The following SFI1 variants were observed in gnomAD, a reference collection of about 807,000 sequenced individuals.
The protein encoded by SFI1 is protein SFI1 homolog.
A neutral mutation model predicts 207.5 loss-of-function variants in SFI1; 195 were observed. The ratio of observed to expected loss-of-function variants is 0.94; its 90% CI spans 0.84 to 1.06. The LOEUF (loss-of-function observed/expected upper bound fraction) is 1.06, where lower values mean the gene tolerates loss of function less well. Ranked by LOEUF, SFI1 falls within the 50% of genes least tolerant of loss-of-function variation. The pLI, the probability that SFI1 is intolerant of heterozygous loss-of-function variation, is 0.00. For synonymous variants in SFI1, 630 were observed against 598.9 expected, an observed-to-expected ratio of 1.05 and a Z score of -0.76; for missense variants, 1,634 against 1,588.0, an observed-to-expected ratio of 1.03 and a Z score of -0.49.
At chr22:31,531,275 C>G in intron 4 of SFI1, 146 bp downstream of exon 4, 1 of 616,602 alleles carries the variant, frequency 1.6e-6, no homozygotes, top group Non-Finnish European at 2.8e-6. Context: ...CTAATATAAC[C>G]ATGTAATACA....
In SFI1 at chr22:31,618,424, T is replaced by G. The variant is rs558211912; in HGVS notation, c.*6T>G. The G allele has an allele frequency of 5.4e-5, 84 of 1,563,018 alleles. No individual in the cohort carries two copies. The highest frequency in any genetic ancestry group is 7.0e-5 in the Non-Finnish European group (81 of 1,150,312). On this transcript the variant is annotated 3_prime_UTR_variant, in exon 33 of 33. Coordinates refer to ENST00000400288, the MANE Select transcript of SFI1 (RefSeq NM_001007467.3). ...TGCGGCAGGCCCTGTGCTAGCGTGT[T>G]CGCACCAGGAACGCAGGTGCTGGGC...
intron 24 of SFI1, chr22:31,612,398 A>AAAAATATATATATATAT (rs1556369798): frequency 3.3e-5 from 2 of 60,202 alleles, no homozygotes; most frequent in African/African-American, 1.3e-4. Flanking sequence ...AAAAAAAAAA[A>AAAAATATATATATATAT]ATATATATAT....
chr22:31,536,091 G>T (rs1310634589), intron 4 of SFI1, among the ~76,000 whole-genome samples: 1 of 151,958 alleles, frequency 6.6e-6, no homozygotes, highest in East Asian at 1.9e-4. Context: ...ACCCTCTCCT[G>T]CTCAAATTTT....
At chr22:31,528,957 A>C in intron 3 of SFI1, 94 bp downstream of exon 3, 1 of 1,244,948 alleles carries the variant, frequency 8.0e-7, no homozygotes, top group Non-Finnish European at 1.1e-6. Flanking sequence ...CTTCCACCGC[A>C]ATTAGTGGGA....
rs2063367982 is a variant in SFI1, at chr22:31,575,311, A to G, written c.1003A>G (p.Ser335Gly). 1 of 1,613,222 alleles carries G rather than the reference A, an allele frequency of 6.2e-7. No individual in the cohort carries two copies. The highest frequency in any genetic ancestry group is 8.5e-7 in the Non-Finnish European group (1 of 1,179,768). The change falls in exon 10 of 33, where the codon AGC becomes GGC. Residue 335 changes from serine to glycine, a missense_variant. By Grantham distance (56) the Ser-to-Gly change is moderately conservative. Coordinates refer to ENST00000400288, the MANE Select transcript of SFI1 (RefSeq NM_001007467.3). ...GCAGCAGGCCTGGGAGCGGAGGGAG[A>G]GCTTGTACGCTCACCATGCCCAGGT... ...DWQQAWERRE[S>G]LYAHHAQVEK...
In SFI1 at chr22:31,615,118, C is replaced by G. The variant is rs1258438003; in HGVS notation, c.3139C>G (p.Leu1047Val). 6.2e-7 allele frequency: 1 copy of G among 1,608,312 alleles called. No individual in the cohort carries two copies. The highest frequency in any genetic ancestry group is 8.5e-7 in the Non-Finnish European group (1 of 1,177,636). Residue 1047 changes from leucine to valine, a missense_variant, in exon 29 of 33, where the codon CTG (leucine) becomes GTG (valine). By Grantham distance (32) the Leu-to-Val change is conservative (BLOSUM62 1). Coordinates refer to ENST00000400288, the MANE Select transcript of SFI1 (RefSeq NM_001007467.3). ...PAAPSLTRPF[L>V]AEAPTALVPH... ...AGCCCCCTCCCTGACGCGGCCCTTC[C>G]TGGCAGAGGCCCCGACAGCACTGGT...
At chr22:31,533,174 A>G (rs955463599) in intron 4 of SFI1, among the ~76,000 whole-genome samples, 1 of 152,196 alleles carries the variant, frequency 6.6e-6, no homozygotes, top group Non-Finnish European at 1.5e-5. Context: ...GAATAACTGA[A>G]GTGACCATTG....
chr22:31,603,701 C>G, intron 17 of SFI1, 43 bp from the exon 18 acceptor site: 1 of 1,469,328 alleles, frequency 6.8e-7, no homozygotes, highest in African/African-American at 1.5e-5. Flanking sequence ...GGTGCCCTCA[C>G]TGGGTGGGGG....
At position 31,616,775 on chromosome 22, in the gene SFI1, AAGC is replaced by A. The variant is rs766490856; in HGVS notation, c.3332_3334del (p.Lys1111_Pro1112delinsThr). ...AGCACAGCGGGCTACTCCTAGGGAT[AAGC>A]CCCCGGTCCCCTCATCCCTGGCCAG... On this transcript the variant is annotated inframe_deletion, in exon 30 of 33. Transcript: ENST00000400288. 1.0e-5 allele frequency: 16 copies of A among 1,583,712 alleles called. No individual in the cohort carries two copies. In the Admixed American group the frequency reaches 2.8e-4, roughly 27 times the overall value.
chr22:31,515,686 T>A (rs1046826477), intron 2 of SFI1, among the ~76,000 whole-genome samples: 2 of 151,932 alleles, frequency 1.3e-5, no homozygotes, highest in Non-Finnish European at 2.9e-5. Flanking sequence ...GCCAGCCTCA[T>A]TGTGATTCCT....
intron 2 of SFI1, among the ~76,000 whole-genome samples, chr22:31,525,759 T>C (rs2057841524): frequency 9.8e-6 from 1 of 102,350 alleles, no homozygotes; most frequent in African/African-American, 3.4e-5. Flanking sequence ...GATAGATAGA[T>C]AGATAGATAA....
At chr22:31,577,351 G>A (rs2063632306) in intron 10 of SFI1, among the ~76,000 whole-genome samples, 3 of 152,208 alleles carry the variant, frequency 2.0e-5, no homozygotes, top group African/African-American at 4.8e-5. Flanking sequence ...CCAGTGGGCT[G>A]TGGAGGTAGG....
chr22:31,593,994 G>GAGGGACAGGGAC (rs1556293784), intron 15 of SFI1, among the ~76,000 whole-genome samples: 42 of 74,596 alleles, frequency 5.6e-4, no homozygotes, highest in African/African-American at 1.8e-3. Flanking sequence ...AGACGAGGGA[G>GAGGGACAGGGAC]AGGGAGAGGG....
At chr22:31,593,877 C>T (rs1206177284) in intron 15 of SFI1, among the ~76,000 whole-genome samples, 9 of 148,062 alleles carry the variant, frequency 6.1e-5, no homozygotes, top group African/African-American at 2.2e-4. Context: ...CGCAGGCATT[C>T]GGCAGACTGA....
In SFI1 at chr22:31,531,045, T is replaced by C. The variant is rs1272860503; in HGVS notation, c.267-13T>C. The C allele has an allele frequency of 6.2e-7, 1 of 1,606,388 alleles. No individual in the cohort carries two copies. The highest frequency in any genetic ancestry group is 1.1e-5 in the South Asian group (1 of 89,222). ...ATTTTAAAATATGTATATGCTTTTT[T>C]TCCTTCTTTCAGATGCGTGGCCAGA... On this transcript the variant is annotated splice_polypyrimidine_tract_variant and intron_variant, in intron 3 of 32. Transcript: ENST00000400288.
chr22:31,550,133 C>T (rs1384614234), intron 5 of SFI1, 121 bp from the exon 6 acceptor site: 13 of 619,522 alleles, frequency 2.1e-5, no homozygotes, highest in African/African-American at 5.5e-5. Flanking sequence ...TTCACCATAT[C>T]GGCCAGGCTG....
intron 8 of SFI1, among the ~76,000 whole-genome samples, chr22:31,562,616 T>C (rs2061828179): frequency 6.8e-6 from 1 of 147,812 alleles, no homozygotes; most frequent in African/African-American, 2.5e-5. Flanking sequence ...ATAGTGAAGC[T>C]TAGAGCCAGG....
At chr22:31,594,012 G>GAGGGACAGGGAC (rs1408787769) in intron 15 of SFI1, among the ~76,000 whole-genome samples, 2 of 37,834 alleles carry the variant, frequency 5.3e-5, no homozygotes, top group African/African-American at 1.3e-4. Flanking sequence ...GGGACAGGGA[G>GAGGGACAGGGAC]AGGGAGAGGG....
At chr22:31,510,201 T>A (rs550122706) in intron 2 of SFI1, among the ~76,000 whole-genome samples, 2 of 151,744 alleles carry the variant, frequency 1.3e-5, no homozygotes, top group African/African-American at 2.4e-5. Context: ...GTAGGAAAAA[T>A]TATTTATTTT....
Sources: allele counts gnomAD v4.1 joint callset (sites outside exome capture counted in the v4.1 genomes callset), GRCh38; gene constraint gnomAD v4.1.1; transcripts MANE v1.5; gene names NCBI Gene and HGNC (gene_info 2026-07-23, HGNC 2026-07-21).